Variants in ATXN1 observed in about 807,000 individuals in gnomAD.
The protein encoded by ATXN1 is ataxin 1.
ATXN1 carries 8 observed loss-of-function variants against 56.4 expected under a neutral mutation model. The observed-to-expected ratio is 0.14, with a 90% CI of 0.08 to 0.26. The LOEUF is 0.26. Among genes scored for constraint, ATXN1 ranks in the 10% least tolerant of loss-of-function variants. The pLI is 1.00. For missense variants in ATXN1, 987 were observed against 1,106.5 expected (o/e 0.89, Z 1.53); for synonymous variants, 514 against 494.6 (o/e 1.04, Z -0.52).
In ATXN1 at chr6:16,365,070, T is replaced by TA. The variant is rs764551487; in HGVS notation, c.-160-36601_-160-36600insT. On this transcript the variant is annotated intron_variant, in intron 6 of 7. Transcript: ENST00000436367. ...TTTCTTTTTTCATATATATATATAT[T>TA]TTATTACACTTTAAGTTCTAGGGTA... is the stretch of plus-strand genomic sequence containing the variant. Among the ~76,000 whole-genome samples, 445 of 140,154 alleles carry TA rather than the reference T, an allele frequency of 3.2e-3. 2 individuals are homozygous for TA. Among genetic ancestry groups the TA allele is most frequent in the Non-Finnish European group, 4.7e-3 (290 of 62,314 alleles). 91.9% of individuals were successfully genotyped at this position (140,154 alleles called of 152,430 possible).
chr6:16,726,248 C>T lies in ATXN1; in HGVS notation c.-615+26985G>A, dbSNP rs902867939. Among the ~76,000 whole-genome samples, 14 of 151,938 alleles carry T rather than the reference C, an allele frequency of 9.2e-5. No individual in the cohort carries two copies. In the East Asian group the frequency reaches 1.6e-3, roughly 17 times the overall value. On this transcript the variant is annotated intron_variant, in intron 2 of 7. Coordinates refer to ENST00000436367, the MANE Select transcript of ATXN1 (RefSeq NM_001128164.2). ...TACAAAAATTAGCTGGGCGTGGTGGCGTGTGCCTGTAATCCCAGCTACACA... is the reference window on the plus strand; with the variant it reads ...TACAAAAATTAGCTGGGCGTGGTGGTGTGTGCCTGTAATCCCAGCTACACA...
rs556604716 is a variant in ATXN1, at chr6:16,535,177, A to G, written c.-360-12489T>C. On this transcript the variant is annotated intron_variant, in intron 4 of 7. Coordinates refer to ENST00000436367, the MANE Select transcript of ATXN1 (RefSeq NM_001128164.2). Reference sequence around the variant, plus strand: ...CAGGGCACTCACTACTGCACACACCAAACTCCCACAAAAGGAAGAGGGGGA... The same window carrying G: ...CAGGGCACTCACTACTGCACACACCGAACTCCCACAAAAGGAAGAGGGGGA... Among the ~76,000 whole-genome samples the G allele has an allele frequency of 2.6e-5, 4 of 152,348 alleles. No individual in the cohort carries two copies. The South Asian group carries it at 8.3e-4, about 32-fold the overall frequency.
At chr6:16,706,004 T>C (rs1759398541) in intron 2 of ATXN1, among the ~76,000 whole-genome samples, 1 of 152,078 alleles carries the variant, frequency 6.6e-6, no homozygotes, top group Admixed American at 6.6e-5. Context: ...ATCGAGACCC[T>C]GAGCCCCTCT....
intron 6 of ATXN1, among the ~76,000 whole-genome samples, chr6:16,367,658 G>T (rs1218838971): frequency 6.6e-6 from 1 of 151,988 alleles, no homozygotes; most frequent in Non-Finnish European, 1.5e-5. Context: ...TTGGTTTTGA[G>T]GTAGACACAT....
intron 2 of ATXN1, among the ~76,000 whole-genome samples, chr6:16,680,359 T>A (rs1205122396): frequency 6.6e-6 from 1 of 152,234 alleles, no homozygotes; most frequent in African/African-American, 2.4e-5. Flanking sequence ...TTCTGTTCCT[T>A]CCTTTTCTTT....
At chr6:16,429,234 C>T (rs1759225364) in intron 6 of ATXN1, among the ~76,000 whole-genome samples, 1 of 151,820 alleles carries the variant, frequency 6.6e-6, no homozygotes, top group South Asian at 2.1e-4. Context: ...CTATTTCTTC[C>T]CCATAGACAG....
intron 4 of ATXN1, among the ~76,000 whole-genome samples, chr6:16,583,307 G>A (rs1029139853): frequency 4.6e-5 from 7 of 152,202 alleles, no homozygotes; most frequent in Non-Finnish European, 1.0e-4. Flanking sequence ...AGCCGTACAC[G>A]TCGTTCTGTG....
chr6:16,686,576 C>G (rs942968080), intron 2 of ATXN1, among the ~76,000 whole-genome samples: 1 of 152,174 alleles, frequency 6.6e-6, no homozygotes, highest in African/African-American at 2.4e-5. Flanking sequence ...AATAAAGATT[C>G]TTGACCACTC....
intron 6 of ATXN1, among the ~76,000 whole-genome samples, chr6:16,349,099 C>T (rs1304843334): frequency 1.3e-5 from 2 of 152,228 alleles, no homozygotes; most frequent in Non-Finnish European, 2.9e-5. Context: ...AGATGAGGGC[C>T]TGGCGTACTC....
At chr6:16,706,737 A>AAC (rs66518516) in intron 2 of ATXN1, among the ~76,000 whole-genome samples, 1 of 4,756 alleles carries the variant, frequency 2.1e-4, no homozygotes, top group East Asian at 0.12. Flanking sequence ...AAAAAAAAAA[A>AAC]AAAGGAAGAA....
intron 4 of ATXN1, among the ~76,000 whole-genome samples, chr6:16,584,075 T>G (rs1762574451): frequency 6.6e-6 from 1 of 151,750 alleles, no homozygotes; most frequent in Non-Finnish European, 1.5e-5. Context: ...GAATTTTACA[T>G]GCAAAGTAAC....
chr6:16,451,091 T>A (rs916063788), intron 6 of ATXN1, among the ~76,000 whole-genome samples: 8 of 152,246 alleles, frequency 5.3e-5, no homozygotes, highest in Admixed American at 6.5e-5. Flanking sequence ...CAATCTTTTC[T>A]AAGCATTAAA....
In ATXN1 at chr6:16,357,705, T is replaced by TA. The variant is rs146868404; in HGVS notation, c.-160-29236dup. Among the ~76,000 whole-genome samples, 18 of 152,300 alleles carry TA rather than the reference T, an allele frequency of 1.2e-4. No homozygotes were observed. The East Asian group carries it at 3.5e-3, about 29-fold the overall frequency. On this transcript the variant is annotated intron_variant, in intron 6 of 7. Transcript: ENST00000436367. ...CAATCAGCTCAGTTCCCAGAGGGTC[T>TA]AGACTCAGGTAGCGACAATAAACAT...
chr6:16,366,938 T>C (rs146561790), intron 6 of ATXN1, among the ~76,000 whole-genome samples: 2 of 152,322 alleles, frequency 1.3e-5, no homozygotes, highest in East Asian at 1.9e-4. Flanking sequence ...AAATTACAAA[T>C]GTGCAATTTC....
At chr6:16,611,597 G>T (rs940603299) in intron 3 of ATXN1, among the ~76,000 whole-genome samples, 2 of 152,056 alleles carry the variant, frequency 1.3e-5, no homozygotes, top group Non-Finnish European at 2.9e-5. Flanking sequence ...AGGAATACCA[G>T]GAAACTGCAC....
intron 2 of ATXN1, among the ~76,000 whole-genome samples, chr6:16,715,125 A>C: frequency 6.6e-6 from 1 of 152,106 alleles, no homozygotes; most frequent in African/African-American, 2.4e-5. Flanking sequence ...TTTTGAACTC[A>C]TCGTCCACAC....
chr6:16,727,783 G>A (rs187029044), intron 2 of ATXN1, among the ~76,000 whole-genome samples: 3 of 151,980 alleles, frequency 2.0e-5, no homozygotes, highest in East Asian at 1.9e-4. Context: ...CCACAAATTC[G>A]GACTATAAAA....
intron 7 of ATXN1, among the ~76,000 whole-genome samples, chr6:16,316,344 CTT>C (rs1760508027): frequency 6.6e-6 from 1 of 152,190 alleles, no homozygotes; most frequent in African/African-American, 2.4e-5. Flanking sequence ...CTTATGCATT[CTT>C]TTTTATTTAC....
chr6:16,448,877 T>A (rs959621278), intron 6 of ATXN1, among the ~76,000 whole-genome samples: 6 of 152,240 alleles, frequency 3.9e-5, no homozygotes, highest in Admixed American at 2.0e-4. Context: ...CTCCATTTTG[T>A]TAGTAAGGCT....
Sources: allele counts gnomAD v4.1 joint callset (sites outside exome capture counted in the v4.1 genomes callset), GRCh38; gene constraint gnomAD v4.1.1; transcripts MANE v1.5; gene names NCBI Gene and HGNC (gene_info 2026-07-23, HGNC 2026-07-21).